MTDH: variants seen among roughly 807,000 people sequenced by gnomAD.
MTDH encodes metadherin, also known as protein LYRIC.
Under a neutral mutation model 72.7 loss-of-function variants are expected in MTDH, and 34 were observed. That is an observed-to-expected ratio of 0.47 (90% CI 0.36 to 0.62). The LOEUF is 0.62. MTDH is among the 20% of genes least tolerant of loss of function. The pLI is 0.00. For missense variants in MTDH, 677 were observed against 699.4 expected (o/e 0.97, Z 0.36); for synonymous variants, 266 against 268.9 (o/e 0.99, Z 0.10).
chr8:97,662,388 G>GA lies in MTDH; in HGVS notation c.483+1225dup, dbSNP rs560076875. Among the ~76,000 whole-genome samples, 66 of 143,800 alleles carry GA rather than the reference G, an allele frequency of 4.6e-4. 1 individual carries two copies. The highest frequency in any genetic ancestry group is 3.3e-3 in the South Asian group (15 of 4,536). 94.3% of individuals were successfully genotyped at this position (143,800 alleles called of 152,430 possible). On this transcript the variant is annotated intron_variant, in intron 2 of 11. Transcript: ENST00000336273. Reference sequence around the variant, plus strand: ...CTGTCTATGCATAGCCCCTTTTCAGGAAAAAAAAAACAAACAAAAACAAAA... The same window carrying GA: ...CTGTCTATGCATAGCCCCTTTTCAGGAAAAAAAAAAACAAACAAAAACAAAA...
At chr8:97,723,090 A>G in intron 11 of MTDH, 55 bp downstream of exon 11, 3 of 1,564,890 alleles carry the variant, frequency 1.9e-6, no homozygotes, top group South Asian at 2.4e-5. Flanking sequence ...TCATGTGTTA[A>G]GGTTCTGATC....
chr8:97,687,544 C>G lies in MTDH; in HGVS notation c.684C>G (p.Ile228Met). The G allele has an allele frequency of 6.2e-7, 1 of 1,613,054 alleles. No individual in the cohort carries two copies. The highest frequency in any genetic ancestry group is 8.5e-7 in the Non-Finnish European group (1 of 1,179,506). Residue 228 changes from isoleucine to methionine, a missense_variant, in exon 4 of 12, where the codon ATC becomes ATG. Transcript: ENST00000336273. ...CTATCCCTGGGATAGAAAATACCAT[C>G]ACAGTTACCACCGAGCAACTTACAA... ...DSTIPGIENTITVTTEQLTTA... is the reference protein window; with the variant it reads ...DSTIPGIENTMTVTTEQLTTA...
intron 7 of MTDH, among the ~76,000 whole-genome samples, chr8:97,701,866 A>G (rs1814145571): frequency 6.6e-6 from 1 of 152,252 alleles, no homozygotes; most frequent in African/African-American, 2.4e-5. Context: ...ATGTATCCAC[A>G]GGATTCTATA....
chr8:97,644,474 G>C lies in MTDH; in HGVS notation c.-33G>C. The C allele has an allele frequency of 6.5e-7, 1 of 1,536,402 alleles. No homozygotes were observed. The highest frequency in any genetic ancestry group is 1.2e-5 in the South Asian group (1 of 83,750). On this transcript the variant is annotated 5_prime_UTR_variant, in exon 1 of 12. Coordinates refer to ENST00000336273, the MANE Select transcript of MTDH (RefSeq NM_178812.4). ...TTCCACTGCGTCTCCGCGCCCCGGCGTCATCCTGCGAGTCCCTCTGACGGG... is the reference window on the plus strand; with the variant it reads ...TTCCACTGCGTCTCCGCGCCCCGGCCTCATCCTGCGAGTCCCTCTGACGGG...
At chr8:97,722,243 A>G (rs904926234) in intron 10 of MTDH, among the ~76,000 whole-genome samples, 1 of 151,948 alleles carries the variant, frequency 6.6e-6, no homozygotes, top group African/African-American at 2.4e-5. Flanking sequence ...AGGCTAGGCC[A>G]TAGAGCGATA....
chr8:97,719,442 G>C (rs146789500), intron 10 of MTDH, among the ~76,000 whole-genome samples: 1 of 142,802 alleles, frequency 7.0e-6, no homozygotes, highest in Admixed American at 7.2e-5. Context: ...GCAGTGAGCC[G>C]AGATCACTCC....
chr8:97,664,814 T>G (rs1465761120), intron 2 of MTDH, among the ~76,000 whole-genome samples: 3 of 151,882 alleles, frequency 2.0e-5, no homozygotes, highest in Non-Finnish European at 4.4e-5. Flanking sequence ...CGGGCTGGAG[T>G]GCAATGGCAC....
At chr8:97,681,668 A>G (rs1407813105) in intron 2 of MTDH, among the ~76,000 whole-genome samples, 1 of 151,476 alleles carries the variant, frequency 6.6e-6, no homozygotes, top group Non-Finnish European at 1.5e-5. Flanking sequence ...TGATTTTTGT[A>G]TTTTTAGTAG....
At chr8:97,706,212 G>T (rs192982287) in intron 7 of MTDH, among the ~76,000 whole-genome samples, 467 of 152,278 alleles carry the variant, frequency 3.1e-3, no homozygotes, top group Middle Eastern at 0.017. Context: ...GGTAGGGATT[G>T]TAACTTTGGT....
intron 2 of MTDH, among the ~76,000 whole-genome samples, chr8:97,676,283 G>GT (rs1023212089): frequency 1.3e-5 from 2 of 152,002 alleles, no homozygotes; most frequent in Admixed American, 6.6e-5. Context: ...TGCTTTTATG[G>GT]TTTGTCTCTG....
rs1814266495 is a variant in MTDH at position 97,704,497 on chromosome 8, G to C, written c.1148-2129G>C. On this transcript the variant is annotated intron_variant, in intron 7 of 11. Transcript: ENST00000336273. ...GTGGCACATGGCTGTGGTCCCAGCT[G>C]CTCAGGAGGCTGAGGCAGGAGGATC... Among the ~76,000 whole-genome samples, 3 of 152,070 alleles carry C rather than the reference G, an allele frequency of 2.0e-5. No individual in the cohort carries two copies. In the South Asian group the frequency reaches 6.2e-4, roughly 31 times the overall value.
At chr8:97,692,989 C>A (rs1813680236) in intron 6 of MTDH, among the ~76,000 whole-genome samples, 1 of 152,172 alleles carries the variant, frequency 6.6e-6, no homozygotes, top group Non-Finnish European at 1.5e-5. Flanking sequence ...ACCCCAGCCT[C>A]CCAAAGTGCT....
At chr8:97,655,078 A>G (rs1479965183) in intron 1 of MTDH, among the ~76,000 whole-genome samples, 1 of 152,202 alleles carries the variant, frequency 6.6e-6, no homozygotes, top group Non-Finnish European at 1.5e-5. Flanking sequence ...CAGCCTGGGC[A>G]ACAGAGCCAG....
chr8:97,683,431 C>A (rs993018394), intron 2 of MTDH, among the ~76,000 whole-genome samples: 2 of 151,470 alleles, frequency 1.3e-5, no homozygotes, highest in African/African-American at 4.9e-5. Flanking sequence ...GGTCTCACCC[C>A]GTTACCCAGG....
chr8:97,706,830 A>C (rs1270687355), intron 8 of MTDH, 80 bp downstream of exon 8: 4 of 1,479,844 alleles, frequency 2.7e-6, no homozygotes, highest in Non-Finnish European at 2.7e-6. Flanking sequence ...CTATGATTCC[A>C]GCACTTTGGG....
At chr8:97,646,033 T>A (rs921729140) in intron 1 of MTDH, among the ~76,000 whole-genome samples, 1 of 152,250 alleles carries the variant, frequency 6.6e-6, no homozygotes, top group South Asian at 2.1e-4. Flanking sequence ...CATAAATAAT[T>A]AGAATTTTGC....
intron 1 of MTDH, among the ~76,000 whole-genome samples, chr8:97,649,311 C>T (rs778869561): frequency 1.3e-5 from 2 of 152,208 alleles, no homozygotes; most frequent in Non-Finnish European, 2.9e-5. Context: ...ACTGTTCTAA[C>T]ATCATCCTAA....
chr8:97,647,751 C>T (rs1811619899), intron 1 of MTDH, among the ~76,000 whole-genome samples: 2 of 152,134 alleles, frequency 1.3e-5, no homozygotes, highest in African/African-American at 4.8e-5. Flanking sequence ...AGTGTTATCC[C>T]TGGCTACTTG....
At position 97,713,739 on chromosome 8, in the gene MTDH, G is replaced by A; in HGVS notation, c.1350G>A (p.Lys450=). The change falls in exon 9 of 12, where the codon AAG becomes AAA. Residue 450 remains lysine, a synonymous_variant. Coordinates refer to ENST00000336273, the MANE Select transcript of MTDH (RefSeq NM_178812.4). ...CCAAAAAGAAAAAAAAGAAAAAGAA[G>A]AAGCAAGGTGAAGATAACTCTACTG... ...GKSKKKKKKK[K]KQGEDNSTAQ... is the part of the protein sequence containing the mutation. The A allele has an allele frequency of 6.2e-7, 1 of 1,603,118 alleles. No homozygotes were observed. The highest frequency in any genetic ancestry group is 8.5e-7 in the Non-Finnish European group (1 of 1,174,654).
Sources: allele counts gnomAD v4.1 joint callset (sites outside exome capture counted in the v4.1 genomes callset), GRCh38; gene constraint gnomAD v4.1.1; transcripts MANE v1.5; gene names NCBI Gene and HGNC (gene_info 2026-07-23, HGNC 2026-07-21).